Variants in ADARB1 observed in about 807,000 individuals in gnomAD.
The protein encoded by ADARB1 is adenosine deaminase RNA specific B1, also known as double-stranded RNA-specific editase 1.
ADARB1 carries 10 observed loss-of-function variants against 52.4 expected under a neutral mutation model. The observed-to-expected ratio is 0.19, with a 90% CI of 0.12 to 0.32. The LOEUF (loss-of-function observed/expected upper bound fraction) is 0.32, where lower values mean the gene tolerates loss of function less well. ADARB1 is among the 10% of genes least tolerant of loss of function. The pLI is 1.00. For synonymous variants in ADARB1, 349 were observed against 371.1 expected (o/e 0.94, Z 0.68); for missense variants, 643 against 922.3 (o/e 0.70, Z 3.92).
At chr21:45,145,805 C>G (rs1371835917) in intron 2 of ADARB1, 1 of 152,164 alleles carries the variant, frequency 6.6e-6, no homozygotes, top group Non-Finnish European at 1.5e-5. Context: ...TAACTGTCAT[C>G]CCAGATGAAC....
chr21:45,074,665 C>T lies in ADARB1; in HGVS notation c.-348C>T, dbSNP rs2123574013. 7.1e-6 allele frequency: 1 copy of T among 141,774 alleles called. No individual in the cohort carries two copies. Among genetic ancestry groups the T allele is most frequent in the African/African-American group, 2.5e-5 (1 of 40,442 alleles). The allele number at this position is 141,774 out of a possible 1,614,324, so 8.8% of individuals were successfully genotyped here. On this transcript the variant is annotated 5_prime_UTR_variant, in exon 1 of 11. Transcript: ENST00000348831. ...CAGGTTGGCGGCCGGGGCTCCGGGC[C>T]GCGCGAGGCCACGGCCACGCCGCGC...
chr21:45,104,463 A>G (rs550627657), intron 1 of ADARB1, among the ~76,000 whole-genome samples: 153 of 152,286 alleles, frequency 1.0e-3, no homozygotes, highest in African/African-American at 3.4e-3. Context: ...GTGGAGACAC[A>G]GTGGGGGTCA....
In ADARB1 at chr21:45,225,933, G is replaced by C; in HGVS notation, c.*3736G>C. The C allele has an allele frequency of 4.9e-6, 1 of 202,848 alleles. No individual in the cohort carries two copies. Among genetic ancestry groups the C allele is most frequent in the Non-Finnish European group, 9.8e-6 (1 of 101,648 alleles). 12.6% of individuals were successfully genotyped at this position (202,848 alleles called of 1,614,324 possible). A position where few individuals can be genotyped will look rare whatever the true frequency, so the allele number is the denominator to read the frequency against. ...GTGGGTGCACCCAGCCCCGAGGCCA[G>C]TGGTTGCTCGGGGCCTTCCGTGTGA... On this transcript the variant is annotated 3_prime_UTR_variant, in exon 11 of 11. Transcript: ENST00000348831.
intron 8 of ADARB1, among the ~76,000 whole-genome samples, chr21:45,194,651 T>G (rs2092384594): frequency 6.6e-6 from 1 of 152,246 alleles, no homozygotes; most frequent in Non-Finnish European, 1.5e-5. Context: ...AGTTTTGCCT[T>G]TTCCAGAATG....
At chr21:45,210,806 C>T (rs2092753876) in intron 9 of ADARB1, among the ~76,000 whole-genome samples, 1 of 152,250 alleles carries the variant, frequency 6.6e-6, no homozygotes, top group Admixed American at 6.5e-5. Flanking sequence ...GGGGCTCCCC[C>T]AGGAGCTGCT....
intron 1 of ADARB1, among the ~76,000 whole-genome samples, chr21:45,092,141 T>G (rs1601292453): frequency 6.6e-6 from 1 of 152,304 alleles, no homozygotes; most frequent in East Asian, 1.9e-4. Context: ...TGGAGAGTGA[T>G]GCTTTGGAGG....
At chr21:45,169,095 T>G (rs551390804) in intron 2 of ADARB1, among the ~76,000 whole-genome samples, 57 of 152,340 alleles carry the variant, frequency 3.7e-4, no homozygotes, top group African/African-American at 1.3e-3. Context: ...GAGCCTTCAC[T>G]GGCAGCACCG....
intron 1 of ADARB1, among the ~76,000 whole-genome samples, chr21:45,123,705 G>T (rs867750503): frequency 1.3e-5 from 2 of 152,228 alleles, no homozygotes; most frequent in Middle Eastern, 3.4e-3. Flanking sequence ...GGTTCAAACA[G>T]TCCTCCCGCC....
At position 45,174,531 on chromosome 21, in the gene ADARB1, C is replaced by T. The variant is rs528881278; in HGVS notation, c.29-1199C>T. On this transcript the variant is annotated intron_variant, in intron 3 of 10. Coordinates refer to ENST00000348831, the MANE Select transcript of ADARB1 (RefSeq NM_001112.4). ...CAGCCTGACCAATGTGATGAAACCC[C>T]GTCTCTACTAAAAATACAAAAATTA... Among the ~76,000 whole-genome samples the T allele has an allele frequency of 5.9e-5, 9 of 152,178 alleles. 1 individual carries two copies. In the South Asian group the frequency reaches 1.9e-3, roughly 32 times the overall value.
intron 1 of ADARB1, among the ~76,000 whole-genome samples, chr21:45,089,470 G>T (rs2086478932): frequency 1.3e-5 from 2 of 151,784 alleles, no homozygotes; most frequent in African/African-American, 4.8e-5. Context: ...TTTCTAAAAA[G>T]AAATTTTAAA....
Position 45,222,566 on chromosome 21 carries a change from T to A in ADARB1, c.*369T>A. ...AATTACTTTGTGTGAAATTCTTGAA[T>A]AAATAATTTATTCAGAGCTAGGAAT... On this transcript the variant is annotated 3_prime_UTR_variant, in exon 11 of 11. Transcript: ENST00000348831. 9.7e-7 allele frequency: 1 copy of A among 1,035,898 alleles called. No individual in the cohort carries two copies. The highest frequency in any genetic ancestry group is 1.2e-6 in the Non-Finnish European group (1 of 863,140). 64.2% of individuals were successfully genotyped at this position (1,035,898 alleles called of 1,614,324 possible).
chr21:45,098,582 A>T (rs1281221796), intron 1 of ADARB1, among the ~76,000 whole-genome samples: 3 of 151,786 alleles, frequency 2.0e-5, no homozygotes, highest in African/African-American at 7.3e-5. Flanking sequence ...AATCATCCCC[A>T]CCCTGCCTCT....
In ADARB1 at chr21:45,221,138, T is replaced by C; in HGVS notation, c.1926+124T>C. 1 of 1,152,622 alleles carries C rather than the reference T, an allele frequency of 8.7e-7. No individual in the cohort carries two copies. Among genetic ancestry groups the C allele is most frequent in the Non-Finnish European group, 1.2e-6 (1 of 832,808 alleles). 71.4% of individuals were successfully genotyped at this position (1,152,622 alleles called of 1,614,324 possible). On this transcript the variant is annotated intron_variant, in intron 10 of 10. Transcript: ENST00000348831. This position sits in a 1 kb window ranked among gnomAD's most constrained non-coding sequence, Gnocchi z 4.9. Reference sequence around the variant, plus strand: ...ATGCACAGCTTCCGAAAACGATCACTTGGAATGATTCTTCCTTCAGATTGT... The same window carrying C: ...ATGCACAGCTTCCGAAAACGATCACCTGGAATGATTCTTCCTTCAGATTGT...
intron 9 of ADARB1, among the ~76,000 whole-genome samples, chr21:45,216,129 C>T (rs1009203551): frequency 6.6e-6 from 1 of 152,076 alleles, no homozygotes; most frequent in African/African-American, 2.4e-5. Context: ...TCAGAATATT[C>T]ATTTTAATAT....
intron 1 of ADARB1, among the ~76,000 whole-genome samples, chr21:45,077,437 G>T (rs199774635): frequency 6.6e-6 from 1 of 152,078 alleles, no homozygotes; most frequent in Non-Finnish European, 1.5e-5. Context: ...AGGCCGAGGC[G>T]GGTAGATCAC....
chr21:45,191,281 A>G (rs1015015930), intron 8 of ADARB1, among the ~76,000 whole-genome samples: 1 of 152,166 alleles, frequency 6.6e-6, no homozygotes, highest in African/African-American at 2.4e-5. Flanking sequence ...TTCTTTTGTT[A>G]TACCAGTGTT....
intron 1 of ADARB1, among the ~76,000 whole-genome samples, chr21:45,089,940 A>G (rs1288625256): frequency 6.6e-6 from 1 of 152,184 alleles, no homozygotes; most frequent in Non-Finnish European, 1.5e-5. Flanking sequence ...GACTTCTGGT[A>G]CTGTGCTGAG....
At chr21:45,163,932 C>G (rs1371834214) in intron 2 of ADARB1, among the ~76,000 whole-genome samples, 1 of 152,230 alleles carries the variant, frequency 6.6e-6, no homozygotes, top group Non-Finnish European at 1.5e-5. Flanking sequence ...TAGCTGAGTT[C>G]ACTCGGCACA....
chr21:45,098,182 C>T (rs548281976), intron 1 of ADARB1, among the ~76,000 whole-genome samples: 1 of 152,356 alleles, frequency 6.6e-6, no homozygotes, highest in East Asian at 1.9e-4. Context: ...CCTGTGCTTG[C>T]AGGCTCCACG....
Sources: gnomAD v4.1 joint callset for allele counts (sites outside exome capture counted in the v4.1 genomes callset) on GRCh38, gnomAD v4.1.1 for gene constraint, Gnocchi (gnomAD v3.1) non-coding constraint, MANE v1.5 for transcripts, NCBI Gene and HGNC (gene_info 2026-07-23, HGNC 2026-07-21) for gene names.